Variants in TYW5 observed in about 807,000 individuals in gnomAD.
TYW5 encodes the protein tRNA-yW synthesizing protein 5.
TYW5 carries 36 observed loss-of-function variants against 44.4 expected under a neutral mutation model. That is an observed-to-expected ratio of 0.81 (90% CI 0.62 to 1.07). TYW5 has a LOEUF of 1.07. Ranked by LOEUF, TYW5 falls within the 50% of genes least tolerant of loss-of-function variation. The pLI is 0.00. For synonymous variants in TYW5, 121 were observed against 128.1 expected, an observed-to-expected ratio of 0.94 and a Z score of 0.37; for missense variants, 354 against 365.7, an observed-to-expected ratio of 0.97 and a Z score of 0.26.
rs1442928543 is a variant in TYW5, at chr2:199,931,823, T to G, written c.*1244A>C. The G allele has an allele frequency of 6.6e-6, 1 of 152,200 alleles. No individual in the cohort carries two copies. Among genetic ancestry groups the G allele is most frequent in the Non-Finnish European group, 1.5e-5 (1 of 68,032 alleles). The allele number at this position is 152,200 out of a possible 1,614,324, so 9.4% of individuals were successfully genotyped here. A position where few individuals can be genotyped will look rare whatever the true frequency, so the allele number is the denominator to read the frequency against. Reference sequence around the variant, plus strand: ...ACATTTATGTTCAGTGAAGATTATGTGGTCTTCAATGACACTGCAATATAA... The same window carrying G: ...ACATTTATGTTCAGTGAAGATTATGGGGTCTTCAATGACACTGCAATATAA... On this transcript the variant is annotated 3_prime_UTR_variant, in exon 8 of 8. Coordinates refer to ENST00000354611, the MANE Select transcript of TYW5 (RefSeq NM_001039693.3).
intron 2 of TYW5, chr2:199,944,817 A>T (rs751356099): frequency 9.2e-5 from 14 of 152,244 alleles, no homozygotes; most frequent in East Asian, 3.8e-4. Context: ...CTCTATGAGA[A>T]GATGACCTTG....
At chr2:199,934,605 G>A (rs2077404994) in intron 7 of TYW5, among the ~76,000 whole-genome samples, 1 of 151,810 alleles carries the variant, frequency 6.6e-6, no homozygotes, top group Non-Finnish European at 1.5e-5. Flanking sequence ...TTGTCTTCAA[G>A]GAATTTATAA....
In TYW5 at chr2:199,930,768, G is replaced by A. The variant is rs200570599; in HGVS notation, c.*2299C>T. On this transcript the variant is annotated 3_prime_UTR_variant, in exon 8 of 8. Transcript: ENST00000354611. ...GTACTGGAGATGTGCTGCACATTAGGGAGAATGGAGAATTACTGGTCACAA... is the reference window on the plus strand; with the variant it reads ...GTACTGGAGATGTGCTGCACATTAGAGAGAATGGAGAATTACTGGTCACAA... 4.5e-5 allele frequency: 2 copies of A among 44,088 alleles called. No individual in the cohort carries two copies. The highest frequency in any genetic ancestry group is 9.0e-5 in the Non-Finnish European group (2 of 22,122). The allele number at this position is 44,088 out of a possible 1,614,324, so 2.7% of individuals were successfully genotyped here.
At chr2:199,948,575 T>C (rs1203715620) in intron 1 of TYW5, 103 bp from the exon 2 acceptor site, 2 of 1,144,910 alleles carry the variant, frequency 1.7e-6, no homozygotes, top group African/African-American at 3.1e-5. Context: ...ATCTGACTCT[T>C]GCTCCCAAGA....
At chr2:199,948,235 G>A (rs767717527) in intron 2 of TYW5, 83 bp downstream of exon 2, 3 of 1,405,160 alleles carry the variant, frequency 2.1e-6, no homozygotes, top group Non-Finnish European at 3.0e-6. Context: ...ATGCCATATG[G>A]TCTTTGTATA....
rs1559306676 is a variant in TYW5, at chr2:199,948,407, G to A, written c.144C>T (p.Tyr48=). 1.2e-6 allele frequency: 2 copies of A among 1,614,078 alleles called. No homozygotes were observed. Among genetic ancestry groups the A allele is most frequent in the Non-Finnish European group, 1.7e-6 (2 of 1,180,022 alleles). Residue 48 remains tyrosine, a synonymous_variant, in exon 2 of 8, where the codon TAC becomes TAT. Transcript: ENST00000354611. Reference sequence around the variant, plus strand: ...CTTTCTTCCCTCCAACTTGGCTTAGGTAATCCACTGTCCATTTGCTTGTAC... The same window carrying A: ...CTTTCTTCCCTCCAACTTGGCTTAGATAATCCACTGTCCATTTGCTTGTAC... ...GPCTSKWTVD[Y]LSQVGGKKEV... is the part of the protein sequence containing the mutation.
At chr2:199,949,844 C>T (rs892764459) in intron 1 of TYW5, among the ~76,000 whole-genome samples, 10 of 152,132 alleles carry the variant, frequency 6.6e-5, no homozygotes, top group Non-Finnish European at 5.9e-5. Flanking sequence ...GCTCTAAATT[C>T]TCCACTGAAT....
At position 199,933,325 on chromosome 2, in the gene TYW5, T is replaced by C; in HGVS notation, c.692-2A>G. ...AAATTACATTATGGAACCATAAAGC[T>C]GGAGAAAGTTTAAAAAACAAGTTAA... On this transcript the variant is annotated splice_acceptor_variant, in intron 7 of 7. Transcript: ENST00000354611. LOFTEE classifies it high-confidence loss of function. 6.3e-7 allele frequency: 1 copy of C among 1,581,062 alleles called. No homozygotes were observed. Among genetic ancestry groups the C allele is most frequent in the South Asian group, 1.2e-5 (1 of 85,484 alleles).
chr2:199,932,232 A>T lies in TYW5; in HGVS notation c.*835T>A, dbSNP rs2077384011. The T allele has an allele frequency of 1.3e-5, 2 of 151,992 alleles. No homozygotes were observed. The allele number at this position is 151,992 out of a possible 1,614,324, so 9.4% of individuals were successfully genotyped here. On this transcript the variant is annotated 3_prime_UTR_variant, in exon 8 of 8. Coordinates refer to ENST00000354611, the MANE Select transcript of TYW5 (RefSeq NM_001039693.3). ...TAAGTTCCTATACCAAATCCCAAACACTCTTGAATCAGTCTACAAAGTTGG... is the reference window on the plus strand; with the variant it reads ...TAAGTTCCTATACCAAATCCCAAACTCTCTTGAATCAGTCTACAAAGTTGG...
chr2:199,951,754 C>T (rs561964222), intron 1 of TYW5, among the ~76,000 whole-genome samples: 66 of 151,960 alleles, frequency 4.3e-4, no homozygotes, highest in Middle Eastern at 6.3e-3. Context: ...CAGTGGCTCA[C>T]GCTTGTAATC....
At chr2:199,942,514 G>C (rs1357163704) in intron 3 of TYW5, 1 of 152,072 alleles carries the variant, frequency 6.6e-6, no homozygotes, top group Non-Finnish European at 1.5e-5. Context: ...ACATTTCATG[G>C]CTATTTAAAT....
chr2:199,937,695 A>C (rs1054540250), intron 5 of TYW5, among the ~76,000 whole-genome samples: 1 of 152,084 alleles, frequency 6.6e-6, no homozygotes, highest in Non-Finnish European at 1.5e-5. Flanking sequence ...AATCATCATC[A>C]TCATCATCAT....
In TYW5 at chr2:199,929,349, T is replaced by TA. The variant is rs1256095599; in HGVS notation, c.*3717dup. 1.3e-5 allele frequency among the ~76,000 whole-genome samples: 2 copies of TA among 151,986 alleles called. No homozygotes were observed. The highest frequency in any genetic ancestry group is 4.8e-5 in the African/African-American group (2 of 41,384). On this transcript the variant is annotated 3_prime_UTR_variant, in exon 8 of 8. Transcript: ENST00000354611. Reference sequence around the variant, plus strand: ...CTTAAAAGTATAATAAAAAAATAAATAGAGACTACAACTTAGGTATATTTA... The same window carrying TA: ...CTTAAAAGTATAATAAAAAAATAAATAAGAGACTACAACTTAGGTATATTTA...
At chr2:199,939,949 G>T in intron 4 of TYW5, 140 bp downstream of exon 4, 2 of 805,494 alleles carry the variant, frequency 2.5e-6, no homozygotes, top group Non-Finnish European at 4.1e-6. Flanking sequence ...TTATTCAGGG[G>T]CACAAATCAC....
intron 1 of TYW5, 133 bp from the exon 2 acceptor site, chr2:199,948,605 T>C (rs2077520898): frequency 2.6e-6 from 2 of 777,696 alleles, no homozygotes; most frequent in East Asian, 2.7e-5. Context: ...TCAAAGCTTC[T>C]GACAGTTCAT....
intron 7 of TYW5, among the ~76,000 whole-genome samples, chr2:199,933,882 C>T (rs939760472): frequency 6.6e-6 from 1 of 152,072 alleles, no homozygotes; most frequent in African/African-American, 2.4e-5. Context: ...CTTTCAGCTC[C>T]TTTATAAATA....
chr2:199,936,430 T>A lies in TYW5; in HGVS notation c.549A>T (p.Arg183=). 1.9e-6 allele frequency: 3 copies of A among 1,613,254 alleles called. No homozygotes were observed. The highest frequency in any genetic ancestry group is 2.5e-6 in the Non-Finnish European group (3 of 1,179,708). Reference sequence around the variant, plus strand: ...CTTTTAAATATAAATACTGGGCATCTCGAGGACTGAAGAGTACAACACGCT... The same window carrying A: ...CTTTTAAATATAAATACTGGGCATCACGAGGACTGAAGAGTACAACACGCT... ...GKKRVVLFSP[R]DAQYLYLKGT... Residue 183 remains arginine, a synonymous_variant, in exon 6 of 8, where the codon CGA becomes CGT. Coordinates refer to ENST00000354611, the MANE Select transcript of TYW5 (RefSeq NM_001039693.3).
chr2:199,935,985 T>C lies in TYW5; in HGVS notation c.637A>G (p.Lys213Glu). ...PDLAKYPLFSKARRYECSLEA... is the reference protein window; with the variant it reads ...PDLAKYPLFSEARRYECSLEA... ...AGGGAACATTCATATCTTCTAGCCT[T>C]GGAAAAAAGTGGATATTTAGCCAAG... Residue 213 changes from lysine to glutamate, a missense_variant, in exon 7 of 8, where the codon AAG becomes GAG. Coordinates refer to ENST00000354611, the MANE Select transcript of TYW5 (RefSeq NM_001039693.3). The C allele has an allele frequency of 6.2e-7, 1 of 1,613,230 alleles. No homozygotes were observed. The highest frequency in any genetic ancestry group is 8.5e-7 in the Non-Finnish European group (1 of 1,179,512).
intron 1 of TYW5, among the ~76,000 whole-genome samples, chr2:199,954,048 T>A (rs2077570882): frequency 6.6e-6 from 1 of 151,702 alleles, no homozygotes; most frequent in Non-Finnish European, 1.5e-5. Flanking sequence ...GCTTGAATCC[T>A]CTCCCGTAGG....
Sources: gnomAD v4.1 joint callset for allele counts (sites outside exome capture counted in the v4.1 genomes callset) on GRCh38, gnomAD v4.1.1 for gene constraint, MANE v1.5 for transcripts, NCBI Gene and HGNC (gene_info 2026-07-23, HGNC 2026-07-21) for gene names.